The following TRIM2 variants were observed in gnomAD, a reference collection of about 807,000 sequenced individuals.
TRIM2 encodes tripartite motif containing 2.
Under a neutral mutation model 75.2 loss-of-function variants are expected in TRIM2, and 20 were observed. The observed-to-expected ratio is 0.27, with a 90% CI of 0.19 to 0.39. TRIM2 has a LOEUF of 0.39. Ranked by LOEUF, TRIM2 falls within the 10% of genes least tolerant of loss-of-function variation. The pLI, the probability that TRIM2 is intolerant of heterozygous loss-of-function variation, is 1.00. For missense variants in TRIM2, 660 were observed against 990.8 expected (o/e 0.67, Z 4.48); for synonymous variants, 373 against 388.3 (o/e 0.96, Z 0.46).
At position 153,337,430 on chromosome 4, in the gene TRIM2, AAAG is replaced by A; in HGVS notation, c.*2467_*2469del. 1 of 985,896 alleles carries A rather than the reference AAAG, an allele frequency of 1.0e-6. No individual in the cohort carries two copies. The highest frequency in any genetic ancestry group is 1.2e-6 in the Non-Finnish European group (1 of 829,926). 61.1% of individuals were successfully genotyped at this position (985,896 alleles called of 1,614,324 possible). On this transcript the variant is annotated 3_prime_UTR_variant, in exon 12 of 12. Transcript: ENST00000338700. Reference sequence around the variant, plus strand: ...GTCAATATTGGCACAAACTGGAATGAAAGAATAGTTTGATTCAGACCTGCTCCA... The same window carrying A: ...GTCAATATTGGCACAAACTGGAATGAAATAGTTTGATTCAGACCTGCTCCA...
chr4:153,321,355 A>T (rs1171258776), intron 8 of TRIM2, among the ~76,000 whole-genome samples: 2 of 152,238 alleles, frequency 1.3e-5, no homozygotes, highest in African/African-American at 2.4e-5. Flanking sequence ...GAATGAGTGA[A>T]GCACTTCTTT....
intron 1 of TRIM2, among the ~76,000 whole-genome samples, chr4:153,263,808 A>T (rs954254342): frequency 2.6e-5 from 4 of 152,172 alleles, no homozygotes; most frequent in African/African-American, 9.7e-5. Flanking sequence ...TTCTGGCTTT[A>T]TAGGCAGATG....
chr4:153,198,381 A>T (rs1234753628), intron 1 of TRIM2, among the ~76,000 whole-genome samples: 1 of 152,166 alleles, frequency 6.6e-6, no homozygotes, highest in Non-Finnish European at 1.5e-5. Context: ...ATGAGATCTC[A>T]TGGGTTTATC....
chr4:153,288,667 T>C (rs1252608868), intron 3 of TRIM2, among the ~76,000 whole-genome samples: 2 of 152,150 alleles, frequency 1.3e-5, no homozygotes, highest in Admixed American at 1.3e-4. Flanking sequence ...CTTTTGCAAA[T>C]ATCGGTTCTT....
intron 1 of TRIM2, among the ~76,000 whole-genome samples, chr4:153,267,904 A>G (rs551608714): frequency 6.6e-6 from 1 of 152,332 alleles, no homozygotes; most frequent in East Asian, 1.9e-4. Flanking sequence ...ATTCACTCAG[A>G]GCCAGCTGTG....
intron 1 of TRIM2, among the ~76,000 whole-genome samples, chr4:153,208,720 G>A (rs1287255830): frequency 6.6e-6 from 1 of 152,108 alleles, no homozygotes; most frequent in Non-Finnish European, 1.5e-5. Context: ...TGGAAAGCTA[G>A]AACATGTAGA....
In TRIM2 at chr4:153,338,226, G is replaced by T. The variant is rs920911651; in HGVS notation, c.*3260G>T. 2.0e-6 allele frequency: 2 copies of T among 985,848 alleles called. No homozygotes were observed. The highest frequency in any genetic ancestry group is 2.4e-6 in the Non-Finnish European group (2 of 829,936). 61.1% of individuals were successfully genotyped at this position (985,848 alleles called of 1,614,324 possible). On this transcript the variant is annotated 3_prime_UTR_variant, in exon 12 of 12. Transcript: ENST00000338700. ...ATCTGTGAATCCTTAGCACTGACGG[G>T]TTAACAGAAATGCTTTGGTAATACC...
chr4:153,307,571 C>A (rs1424958767), intron 6 of TRIM2, among the ~76,000 whole-genome samples: 1 of 152,172 alleles, frequency 6.6e-6, no homozygotes, highest in African/African-American at 2.4e-5. Context: ...ATGTTCATTT[C>A]TTTGGCTTAC....
At chr4:153,221,240 C>G (rs1203597152) in intron 1 of TRIM2, among the ~76,000 whole-genome samples, 1 of 152,140 alleles carries the variant, frequency 6.6e-6, no homozygotes, top group Non-Finnish European at 1.5e-5. Context: ...AGAAGCCAGA[C>G]ACAAAAGCCC....
chr4:153,199,582 GTTATTA>G (rs909832784), upstream of TRIM2, among the ~76,000 whole-genome samples: 1 of 151,386 alleles, frequency 6.6e-6, no homozygotes, highest in Non-Finnish European at 1.5e-5. Flanking sequence ...ATCTTAGTCA[GTTATTA>G]TTATTATTAT....
intron 1 of TRIM2, among the ~76,000 whole-genome samples, chr4:153,178,654 A>T (rs1459043337): frequency 6.6e-6 from 1 of 152,198 alleles, no homozygotes; most frequent in Non-Finnish European, 1.5e-5. Context: ...TGGTCAAAAA[A>T]ATTTGAGACT....
chr4:153,161,068 C>T (rs1046829029), intron 1 of TRIM2, among the ~76,000 whole-genome samples: 7 of 152,246 alleles, frequency 4.6e-5, no homozygotes, highest in Non-Finnish European at 8.8e-5. Flanking sequence ...ATTAACTCTT[C>T]ATTGGCCAGC....
intron 6 of TRIM2, among the ~76,000 whole-genome samples, chr4:153,307,408 T>C (rs909127666): frequency 1.3e-5 from 2 of 152,156 alleles, no homozygotes; most frequent in Non-Finnish European, 2.9e-5. Flanking sequence ...ATGTGTAAAA[T>C]CGCTTAGCAT....
chr4:153,221,990 GA>G (rs1428795220), intron 1 of TRIM2, among the ~76,000 whole-genome samples: 17 of 42,152 alleles, frequency 4.0e-4, no homozygotes, highest in East Asian at 1.6e-3. Context: ...AAGGAAGGGA[GA>G]GAGGAAGGAA....
Position 153,338,067 on chromosome 4 carries a change from T to G in TRIM2, c.*3101T>G, listed in dbSNP as rs1772656985. 1 of 985,748 alleles carries G rather than the reference T, an allele frequency of 1.0e-6. No individual in the cohort carries two copies. The highest frequency in any genetic ancestry group is 4.7e-5 in the South Asian group (1 of 21,284). 61.1% of individuals were successfully genotyped at this position (985,748 alleles called of 1,614,324 possible). ...AACAAGTCCCTAAGTTTCCTTATTT[T>G]AATTTACTGTGACTAGATTTGAAGC... On this transcript the variant is annotated 3_prime_UTR_variant, in exon 12 of 12. Coordinates refer to ENST00000338700, the MANE Select transcript of TRIM2 (RefSeq NM_015271.5).
At chr4:153,160,887 G>T (rs982193083) in intron 1 of TRIM2, among the ~76,000 whole-genome samples, 3 of 152,164 alleles carry the variant, frequency 2.0e-5, no homozygotes, top group African/African-American at 7.2e-5. Context: ...GCAGTTACAG[G>T]CGTGAGCCAC....
At chr4:153,271,302 C>G (rs1190722702) in intron 2 of TRIM2, among the ~76,000 whole-genome samples, 1 of 152,038 alleles carries the variant, frequency 6.6e-6, no homozygotes, top group African/African-American at 2.4e-5. Context: ...ACATTTTTAT[C>G]ATTATTTAAT....
rs114521257 is a variant in TRIM2, at chr4:153,241,269, A to C, written c.31-29066A>C. Among the ~76,000 whole-genome samples the C allele has an allele frequency of 7.8e-3, 1,192 of 152,292 alleles. 15 individuals are homozygous for C. The highest frequency in any genetic ancestry group is 0.027 in the African/African-American group (1,125 of 41,552). Reference sequence around the variant, plus strand: ...CCTGGTCTAGGAGGCTGTGTTCTCCAGAGCAGCGTTGATCACACAGCTCTG... The same window carrying C: ...CCTGGTCTAGGAGGCTGTGTTCTCCCGAGCAGCGTTGATCACACAGCTCTG... On this transcript the variant is annotated intron_variant, in intron 1 of 11. Coordinates refer to ENST00000338700, the MANE Select transcript of TRIM2 (RefSeq NM_015271.5).
intron 1 of TRIM2, 34 bp from the exon 2 acceptor site, chr4:153,270,299 TTA>T: frequency 1.3e-6 from 2 of 1,590,440 alleles, no homozygotes. Flanking sequence ...CTACAGATCA[TTA>T]TATGTTTTTC....
Sources: allele counts gnomAD v4.1 joint callset (sites outside exome capture counted in the v4.1 genomes callset), GRCh38; gene constraint gnomAD v4.1.1; transcripts MANE v1.5; gene names NCBI Gene and HGNC (gene_info 2026-07-23, HGNC 2026-07-21).